CD84: variants seen among roughly 807,000 people sequenced by gnomAD.
CD84 encodes the protein CD84 molecule.
In CD84, 22 loss-of-function variants were observed where a neutral mutation model predicts 33.8. The observed-to-expected ratio is 0.65, with a 90% CI of 0.46 to 0.93. The LOEUF (loss-of-function observed/expected upper bound fraction) is 0.93, where lower values mean the gene tolerates loss of function less well. Among genes scored for constraint, CD84 ranks in the 40% least tolerant of loss-of-function variants. The pLI is 0.00. For missense variants in CD84, 400 were observed against 397.6 expected (o/e 1.01, Z -0.05); for synonymous variants, 154 against 145.2 (o/e 1.06, Z -0.44).
rs747638264 is a variant in CD84 at position 160,554,185 on chromosome 1, C to A, written c.389-39G>T. 7 of 1,528,756 alleles carry A rather than the reference C, an allele frequency of 4.6e-6. No individual in the cohort carries two copies. The Admixed American group carries it at 1.4e-4, about 30-fold the overall frequency. 94.7% of individuals were successfully genotyped at this position (1,528,756 alleles called of 1,614,324 possible). ...CACATGAGCCAATAGTGAGCTGGAG[C>A]TGGCTTGTACTAGTTTGTGGGAGCC... On this transcript the variant is annotated intron_variant, in intron 2 of 6. Transcript: ENST00000368054.
intron 2 of CD84, among the ~76,000 whole-genome samples, chr1:160,556,143 G>A (rs559349732): frequency 1.3e-5 from 2 of 152,262 alleles, no homozygotes; most frequent in African/African-American, 4.8e-5. Context: ...TTGAGGTAGG[G>A]GACAGTGGTA....
chr1:160,573,361 A>G lies in CD84; in HGVS notation c.46+6031T>C, dbSNP rs144814759. On this transcript the variant is annotated intron_variant, in intron 1 of 6. Coordinates refer to ENST00000368054, the MANE Select transcript of CD84 (RefSeq NM_003874.4). ...AACCCCATAATTCTCCTTAGATTCT[A>G]TTAAAAATGAACACAGTGTACCCTT... 6.2e-4 allele frequency among the ~76,000 whole-genome samples: 95 copies of G among 152,222 alleles called. 3 individuals carry two copies. The East Asian group carries it at 0.015, about 23-fold the overall frequency.
Position 160,579,461 on chromosome 1 carries a change from T to C in CD84, c.-24A>G. 1 of 1,612,648 alleles carries C rather than the reference T, an allele frequency of 6.2e-7. No homozygotes were observed. Among genetic ancestry groups the C allele is most frequent in the Non-Finnish European group, 8.5e-7 (1 of 1,179,102 alleles). The stretch of plus-strand genomic sequence containing the variant: ...ATCTCTTTCAGGGTCTAACCTTCTG[T>C]GGAAAAGCACGGCACTGTTCTAGCA... On this transcript the variant is annotated 5_prime_UTR_variant, in exon 1 of 7. Transcript: ENST00000368054.
intron 6 of CD84, among the ~76,000 whole-genome samples, chr1:160,549,086 T>C (rs1388424403): frequency 6.6e-6 from 1 of 152,084 alleles, no homozygotes; most frequent in Non-Finnish European, 1.5e-5. Context: ...TGTCCCTCTA[T>C]CTGGTTGTCC....
At chr1:160,576,221 C>G (rs1464665647) in intron 1 of CD84, among the ~76,000 whole-genome samples, 2 of 152,098 alleles carry the variant, frequency 1.3e-5, no homozygotes, top group East Asian at 3.8e-4. Flanking sequence ...GGTCCAGTTA[C>G]CCATAGTGAG....
chr1:160,572,579 G>GA (rs1557985264), intron 1 of CD84, among the ~76,000 whole-genome samples: 1 of 151,902 alleles, frequency 6.6e-6, no homozygotes, highest in Non-Finnish European at 1.5e-5. Context: ...TAAAAATTGG[G>GA]GGGGGGAATG....
intron 2 of CD84, among the ~76,000 whole-genome samples, chr1:160,555,367 G>A (rs1484931688): frequency 6.6e-6 from 1 of 152,112 alleles, no homozygotes; most frequent in African/African-American, 2.4e-5. Flanking sequence ...ACAGGTGTGA[G>A]CCACCGCACC....
In CD84 at chr1:160,547,998, G is replaced by T. The variant is rs1359261292; in HGVS notation, c.*258C>A. 1 of 511,734 alleles carries T rather than the reference G, an allele frequency of 2.0e-6. No individual in the cohort carries two copies. The highest frequency in any genetic ancestry group is 3.5e-6 in the Non-Finnish European group (1 of 282,576). The allele number at this position is 511,734 out of a possible 1,614,324, so 31.7% of individuals were successfully genotyped here. On this transcript the variant is annotated 3_prime_UTR_variant, in exon 7 of 7. Coordinates refer to ENST00000368054, the MANE Select transcript of CD84 (RefSeq NM_003874.4). ...TTTTCTACATGTGCTATGATGGGAAGAAGTTTGGGAAAACTATACTAGGTA... is the reference window on the plus strand; with the variant it reads ...TTTTCTACATGTGCTATGATGGGAATAAGTTTGGGAAAACTATACTAGGTA...
At chr1:160,572,451 G>C (rs1017333902) in intron 1 of CD84, among the ~76,000 whole-genome samples, 5 of 152,114 alleles carry the variant, frequency 3.3e-5, no homozygotes, top group Non-Finnish European at 5.9e-5. Context: ...GAAATTCACT[G>C]TTCCTCAGGT....
chr1:160,551,105 G>C, intron 4 of CD84, 70 bp from the exon 5 acceptor site: 1 of 1,130,946 alleles, frequency 8.8e-7, no homozygotes, highest in Middle Eastern at 2.0e-4. Context: ...CTATTCCAAT[G>C]TTCTCTTTTT....
In CD84 at chr1:160,543,602, T is replaced by TTTATTATTATTATTATTATTATTA. The variant is rs10527741; in HGVS notation, c.*4630_*4653dup. ...ATCTTCAAGGAGCTCTCCATTATTA[T>TTTATTATTATTATTATTATTATTA]TTATTATTATTATTATTATTATTAT... On this transcript the variant is annotated 3_prime_UTR_variant, in exon 7 of 7. Transcript: ENST00000368054. The TTTATTATTATTATTATTATTATTA allele has an allele frequency of 1.4e-4, 20 of 142,708 alleles. No homozygotes were observed. The highest frequency in any genetic ancestry group is 3.6e-4 in the African/African-American group (14 of 38,802). The allele number at this position is 142,708 out of a possible 1,614,324, so 8.8% of individuals were successfully genotyped here.
At chr1:160,566,931 A>C (rs1256809409) in intron 1 of CD84, among the ~76,000 whole-genome samples, 2 of 152,226 alleles carry the variant, frequency 1.3e-5, no homozygotes, top group African/African-American at 4.8e-5. Flanking sequence ...TAACTTCAAG[A>C]CATTATTTTT....
Position 160,557,935 on chromosome 1 carries a change from G to T in CD84, c.389-3789C>A, listed in dbSNP as rs573449659. 3.9e-5 allele frequency among the ~76,000 whole-genome samples: 6 copies of T among 152,250 alleles called. No homozygotes were observed. The South Asian group carries it at 1.2e-3, about 32-fold the overall frequency. The stretch of plus-strand genomic sequence containing the variant: ...CACTGGGTGGGACCTCCCTGCAGGG[G>T]CTTCAGCCACTCTAGCCAGGGTTAT... On this transcript the variant is annotated intron_variant, in intron 2 of 6. Transcript: ENST00000368054.
Position 160,541,510 on chromosome 1 carries a change from TG to T in CD84, c.*6745del, listed in dbSNP as rs1482836439. The T allele has an allele frequency of 6.6e-6, 1 of 152,232 alleles. No individual in the cohort carries two copies. Among genetic ancestry groups the T allele is most frequent in the African/African-American group, 2.4e-5 (1 of 41,466 alleles). 9.4% of individuals were successfully genotyped at this position (152,232 alleles called of 1,614,324 possible). A position where few individuals can be genotyped will look rare whatever the true frequency, so the allele number is the denominator to read the frequency against. On this transcript the variant is annotated 3_prime_UTR_variant, in exon 7 of 7. Transcript: ENST00000368054. ...ATAAAAAGCTACTACTCTGTACTTG[TG>T]TGCCAAATGCTGTAAAAGTATAAAT...
intron 1 of CD84, among the ~76,000 whole-genome samples, chr1:160,574,983 G>A (rs944201223): frequency 6.6e-6 from 1 of 152,100 alleles, no homozygotes; most frequent in African/African-American, 2.4e-5. Flanking sequence ...ATTAGAGTTG[G>A]GGTATTGGGG....
intron 4 of CD84, among the ~76,000 whole-genome samples, chr1:160,552,309 C>A (rs1221604159): frequency 6.6e-6 from 1 of 152,192 alleles, no homozygotes; most frequent in Non-Finnish European, 1.5e-5. Flanking sequence ...GCCTTCTCCC[C>A]ATTGTGAGGC....
intron 2 of CD84, 30 bp downstream of exon 2, chr1:160,565,374 A>G: frequency 6.6e-7 from 1 of 1,517,864 alleles, no homozygotes. Context: ...TAAAAATAAA[A>G]CACAAGCTCT....
intron 2 of CD84, among the ~76,000 whole-genome samples, chr1:160,563,915 G>A (rs1401910170): frequency 6.6e-6 from 1 of 152,130 alleles, no homozygotes; most frequent in African/African-American, 2.4e-5. Flanking sequence ...ATAGTGAATA[G>A]GGCAGCACTA....
Position 160,554,140 on chromosome 1 carries a change from AG to A in CD84, c.394del (p.Lys134AsnfsTer8). On this transcript the variant is annotated frameshift_variant, in exon 3 of 7. Coordinates refer to ENST00000368054, the MANE Select transcript of CD84 (RefSeq NM_003874.4). LOFTEE classifies it high-confidence loss of function. The stretch of plus-strand genomic sequence containing the variant: ...ACTCTGTGTAATTTTTGGTTTCCCA[AG>A]CCGACCTGTGGGGGCAAACACATGA... The part of the protein sequence containing the change: ...KRYNLQIYRR[L>X]GKPKITQSLM... 1 of 1,610,686 alleles carries A rather than the reference AG, an allele frequency of 6.2e-7. No individual in the cohort carries two copies. Among genetic ancestry groups the A allele is most frequent in the Non-Finnish European group, 8.5e-7 (1 of 1,177,668 alleles).
Sources: gnomAD v4.1 joint callset for allele counts (sites outside exome capture counted in the v4.1 genomes callset) on GRCh38, gnomAD v4.1.1 for gene constraint, MANE v1.5 for transcripts, NCBI Gene and HGNC (gene_info 2026-07-23, HGNC 2026-07-21) for gene names.